PREX1: variants seen among roughly 807,000 people sequenced by gnomAD.
PREX1 encodes phosphatidylinositol-3,4,5-trisphosphate dependent Rac exchange factor 1, also known as phosphatidylinositol 3,4,5-trisphosphate-dependent Rac exchanger 1 protein.
PREX1 carries 41 observed loss-of-function variants against 198.3 expected under a neutral mutation model. The ratio of observed to expected loss-of-function variants is 0.21; its 90% CI spans 0.16 to 0.27. The LOEUF (loss-of-function observed/expected upper bound fraction) is 0.27, where lower values mean the gene tolerates loss of function less well. PREX1 is among the 10% of genes least tolerant of loss of function. PREX1 has a pLI of 1.00. For missense variants in PREX1, 1,620 were observed against 2,200.7 expected (o/e 0.74, Z 5.28); for synonymous variants, 843 against 887.2 (o/e 0.95, Z 0.89).
At chr20:48,849,335 G>T in the PREX1 span, 1 of 152,052 alleles carries the variant, frequency 6.6e-6, no homozygotes, top group East Asian at 1.9e-4. Flanking sequence ...ACTAGAAACA[G>T]AACAATACTA....
chr20:48,649,880 C>CT, intron 24 of PREX1, 116 bp downstream of exon 24: 1 of 1,231,494 alleles, frequency 8.1e-7, no homozygotes. Context: ...AAGGTCATCC[C>CT]TGATGACCAT....
chr20:48,856,696 G>A, the PREX1 span, among the ~76,000 whole-genome samples: 2 of 152,184 alleles, frequency 1.3e-5, no homozygotes, highest in Non-Finnish European at 2.9e-5. Flanking sequence ...ACTCTTTGCC[G>A]GGTGGATGGG....
intron 1 of PREX1, among the ~76,000 whole-genome samples, chr20:48,807,781 A>G (rs1219582066): frequency 1.3e-5 from 2 of 152,176 alleles, no homozygotes; most frequent in Admixed American, 1.3e-4. Flanking sequence ...GACGACAGTA[A>G]GGGATGGAAG....
chr20:48,780,259 G>A (rs936277568), intron 1 of PREX1, among the ~76,000 whole-genome samples: 14 of 152,214 alleles, frequency 9.2e-5, no homozygotes, highest in Non-Finnish European at 1.9e-4. Flanking sequence ...TGATTTCAGG[G>A]CTGAGGCAGG....
At chr20:48,876,779 C>T in the PREX1 span, among the ~76,000 whole-genome samples, 3 of 152,116 alleles carry the variant, frequency 2.0e-5, no homozygotes, top group Non-Finnish European at 4.4e-5. Context: ...TATTTACCAT[C>T]TTTTATTTTT....
intron 13 of PREX1, among the ~76,000 whole-genome samples, chr20:48,677,648 C>T (rs2089718873): frequency 6.6e-6 from 1 of 152,142 alleles, no homozygotes; most frequent in African/African-American, 2.4e-5. Context: ...TTACTGAGTC[C>T]CTAGGCCTCT....
At chr20:48,643,516 A>G (rs1040894085) in intron 27 of PREX1, among the ~76,000 whole-genome samples, 2 of 152,068 alleles carry the variant, frequency 1.3e-5, no homozygotes, top group African/African-American at 4.8e-5. Flanking sequence ...GATCTAATTT[A>G]TAAAATATTG....
chr20:48,792,750 T>TA (rs1220682906), intron 1 of PREX1, among the ~76,000 whole-genome samples: 2 of 113,568 alleles, frequency 1.8e-5, no homozygotes, highest in South Asian at 2.6e-4. Flanking sequence ...GATACAGCCA[T>TA]AAAAAAGGAA....
rs368838406 is a variant in PREX1, at chr20:48,649,623, C to T, written c.3029-47G>A. On this transcript the variant is annotated intron_variant, in intron 24 of 39. Coordinates refer to ENST00000371941, the MANE Select transcript of PREX1 (RefSeq NM_020820.4). The stretch of plus-strand genomic sequence containing the variant: ...CTCACTGGAAAACAGCCCCCAGCAT[C>T]CACTGGGCCTTTGGGCGGAACAATA... 1.4e-5 allele frequency: 22 copies of T among 1,531,706 alleles called. No homozygotes were observed. In the African/African-American group the frequency reaches 2.6e-4, roughly 18 times the overall value. 94.9% of individuals were successfully genotyped at this position (1,531,706 alleles called of 1,614,324 possible). A position where few individuals can be genotyped will look rare whatever the true frequency, so the allele number is the denominator to read the frequency against.
At position 48,633,671 on chromosome 20, in the gene PREX1, C is replaced by G. The variant is rs559552904; in HGVS notation, c.4267+1005G>C. ...CCAGGTGCTGCTGGTCCAGGGGCCA[C>G]GCTCTGAGAACCCCTGCTTTCAGAA... On this transcript the variant is annotated intron_variant, in intron 33 of 39. Transcript: ENST00000371941. Among the ~76,000 whole-genome samples the G allele has an allele frequency of 9.9e-5, 15 of 152,246 alleles. No homozygotes were observed. In the South Asian group the frequency reaches 2.7e-3, roughly 27 times the overall value.
At chr20:48,701,502 C>T (rs932089852) in intron 6 of PREX1, among the ~76,000 whole-genome samples, 2 of 152,178 alleles carry the variant, frequency 1.3e-5, no homozygotes, top group Non-Finnish European at 2.9e-5. Context: ...ACATGAGCCA[C>T]CACGCCTGGC....
At chr20:48,850,295 G>C in the PREX1 span, among the ~76,000 whole-genome samples, 22 of 152,192 alleles carry the variant, frequency 1.4e-4, no homozygotes, top group African/African-American at 4.8e-4. Context: ...GCCGAGGGGA[G>C]GAAACCCAGG....
intron 1 of PREX1, among the ~76,000 whole-genome samples, chr20:48,764,290 C>T (rs191556558): frequency 6.6e-6 from 1 of 152,212 alleles, no homozygotes; most frequent in Admixed American, 6.5e-5. Flanking sequence ...CTCAGAGAGG[C>T]CCCAACAGCC....
At chr20:48,655,407 C>T (rs1470972883) in intron 18 of PREX1, 32 bp from the exon 19 acceptor site, 5 of 1,447,398 alleles carry the variant, frequency 3.5e-6, no homozygotes, top group Non-Finnish European at 4.7e-6. Flanking sequence ...GGGAAAAAGG[C>T]CATGAGGAAA....
chr20:48,808,705 G>A (rs2090422483), intron 1 of PREX1, among the ~76,000 whole-genome samples: 1 of 152,200 alleles, frequency 6.6e-6, no homozygotes, highest in Non-Finnish European at 1.5e-5. Context: ...AAGGCCCTGT[G>A]CAATCTGCCC....
Position 48,624,606 on chromosome 20 carries a change from C to G in PREX1, c.*1279G>C, listed in dbSNP as rs2089255901. On this transcript the variant is annotated 3_prime_UTR_variant, in exon 40 of 40. Coordinates refer to ENST00000371941, the MANE Select transcript of PREX1 (RefSeq NM_020820.4). ...TGACAGGCGTCCCCCCGCTTCCTCC[C>G]CAGCTGTGACCTTTCCCTGAAGGCA... 6.6e-6 allele frequency: 1 copy of G among 152,290 alleles called. No individual in the cohort carries two copies. The highest frequency in any genetic ancestry group is 2.1e-4 in the South Asian group (1 of 4,832). The allele number at this position is 152,290 out of a possible 1,614,324, so 9.4% of individuals were successfully genotyped here. A position where few individuals can be genotyped will look rare whatever the true frequency, so the allele number is the denominator to read the frequency against.
At chr20:48,807,216 A>G (rs1159829035) in intron 1 of PREX1, among the ~76,000 whole-genome samples, 1 of 152,226 alleles carries the variant, frequency 6.6e-6, no homozygotes, top group African/African-American at 2.4e-5. Flanking sequence ...CCCCATTCTC[A>G]GCCTGAGGCT....
Position 48,691,211 on chromosome 20 carries a change from T to C in PREX1, c.1037-115A>G. ...GGCAGGGCCCTCGCCTGGATCAGGA[T>C]GGGGAGCTGGACTTCCAGCCCTTCA... On this transcript the variant is annotated intron_variant, in intron 8 of 39. Transcript: ENST00000371941. This position sits in a 1 kb window ranked among gnomAD's most constrained non-coding sequence, Gnocchi z 5.0. 3.0e-6 allele frequency: 4 copies of C among 1,329,522 alleles called. No homozygotes were observed. Among genetic ancestry groups the C allele is most frequent in the Non-Finnish European group, 4.2e-6 (4 of 944,374 alleles). 82.4% of individuals were successfully genotyped at this position (1,329,522 alleles called of 1,614,324 possible). A position where few individuals can be genotyped will look rare whatever the true frequency, so the allele number is the denominator to read the frequency against.
chr20:48,666,564 C>A lies in PREX1; in HGVS notation c.1666-209G>T, dbSNP rs567651619. On this transcript the variant is annotated intron_variant, in intron 14 of 39. Coordinates refer to ENST00000371941, the MANE Select transcript of PREX1 (RefSeq NM_020820.4). The surrounding 1 kb of genome is among the most constrained non-coding windows in gnomAD (Gnocchi z 4.3). ...TTTTTGAGACAGAGTCTCACTCTAT[C>A]GCCCAGGCTGGAGTGCAGTGGCACG... Among the ~76,000 whole-genome samples the A allele has an allele frequency of 7.2e-5, 11 of 152,186 alleles. No homozygotes were observed. Among genetic ancestry groups the A allele is most frequent in the Non-Finnish European group, 1.6e-4 (11 of 68,040 alleles).
Sources: gnomAD v4.1 joint callset for allele counts (sites outside exome capture counted in the v4.1 genomes callset) on GRCh38, gnomAD v4.1.1 for gene constraint, Gnocchi (gnomAD v3.1) non-coding constraint, MANE v1.5 for transcripts, NCBI Gene and HGNC (gene_info 2026-07-23, HGNC 2026-07-21) for gene names.